MICAL3: variants seen among roughly 807,000 people sequenced by gnomAD.
MICAL3 encodes [F-actin]-monooxygenase MICAL3.
MICAL3 carries 62 observed loss-of-function variants against 207.4 expected under a neutral mutation model. The ratio of observed to expected loss-of-function variants is 0.30; its 90% CI spans 0.24 to 0.37. MICAL3 has a LOEUF of 0.37. Among genes scored for constraint, MICAL3 ranks in the 10% least tolerant of loss-of-function variants. The pLI is 1.00. For synonymous variants in MICAL3, 1,077 were observed against 1,069.3 expected (o/e 1.01, Z -0.14); for missense variants, 2,368 against 2,635.6 (o/e 0.90, Z 2.22).
intron 1 of MICAL3, among the ~76,000 whole-genome samples, chr22:17,977,316 G>C (rs1022364680): frequency 6.6e-6 from 1 of 152,080 alleles, no homozygotes; most frequent in Non-Finnish European, 1.5e-5. Context: ...GTATCCAGAA[G>C]ACATAAAGAA....
chr22:17,796,686 C>T lies in MICAL3; in HGVS notation c.5651-5385G>A, dbSNP rs898726121. Among the ~76,000 whole-genome samples the T allele has an allele frequency of 6.6e-6, 1 of 152,188 alleles. No homozygotes were observed. The highest frequency in any genetic ancestry group is 1.5e-5 in the Non-Finnish European group (1 of 68,028). ...GAATGTCACACCTGGAAGGGAGGCC[C>T]GATGTCCCTTCCTGCCTCGTCTTCT... On this transcript the variant is annotated intron_variant, in intron 29 of 31. Transcript: ENST00000441493. The surrounding 1 kb of genome is among the most constrained non-coding windows in gnomAD (Gnocchi z 4.4).
rs1313427403 is a variant in MICAL3 at position 17,841,314 on chromosome 22, G to T, written c.2801+508C>A. The T allele has an allele frequency of 1.1e-5, 2 of 186,828 alleles. No individual in the cohort carries two copies. Among genetic ancestry groups the T allele is most frequent in the African/African-American group, 4.6e-5 (2 of 43,040 alleles). The allele number at this position is 186,828 out of a possible 1,614,324, so 11.6% of individuals were successfully genotyped here. ...CCCCAAAGGTGTCACCCAGCTGGAT[G>T]TGATTACAGCTCTGGAACTGCCTAA... On this transcript the variant is annotated intron_variant, in intron 20 of 31. Coordinates refer to ENST00000441493, the MANE Select transcript of MICAL3 (RefSeq NM_015241.3). The surrounding 1 kb of genome is among the most constrained non-coding windows in gnomAD (Gnocchi z 4.2).
intron 16 of MICAL3, chr22:17,876,826 TTATG>T: frequency 1.5e-5 from 2 of 131,570 alleles, no homozygotes; most frequent in Non-Finnish European, 3.2e-5. Flanking sequence ...GTTAGGGAGG[TTATG>T]GAGGTTAGGG....
At chr22:17,832,167 G>T in intron 20 of MICAL3, 60 bp from the exon 21 acceptor site, 1 of 1,532,994 alleles carries the variant, frequency 6.5e-7, no homozygotes. Context: ...AGAAGGGGAA[G>T]GGGAAGGGCC....
At chr22:17,880,181 C>G (rs916631024) in intron 16 of MICAL3, among the ~76,000 whole-genome samples, 1 of 152,182 alleles carries the variant, frequency 6.6e-6, no homozygotes, top group South Asian at 2.1e-4. Context: ...AGCGTAGCCC[C>G]GGTCCCACAA....
chr22:17,967,335 A>G (rs974140106), intron 1 of MICAL3, among the ~76,000 whole-genome samples: 14 of 151,280 alleles, frequency 9.3e-5, no homozygotes, highest in African/African-American at 3.4e-4. Flanking sequence ...TCTGTTCATC[A>G]CAACGGCATC....
chr22:17,977,999 G>A (rs1050331918), intron 1 of MICAL3, among the ~76,000 whole-genome samples: 3 of 151,870 alleles, frequency 2.0e-5, no homozygotes, highest in Admixed American at 6.6e-5. Context: ...TCCAGCCTGC[G>A]CAACAAGAGT....
In MICAL3 at chr22:18,016,908, C is replaced by T. The variant is rs1302741235; in HGVS notation, c.-75+7373G>A. 2.6e-5 allele frequency among the ~76,000 whole-genome samples: 4 copies of T among 151,754 alleles called. No homozygotes were observed. The East Asian group carries it at 7.7e-4, about 29-fold the overall frequency. ...TGAACCAAGATTGCTTCACTGCACT[C>T]CGGCCTGGGTGACAGAGCCAGACTC... is the stretch of plus-strand genomic sequence containing the variant. On this transcript the variant is annotated intron_variant, in intron 1 of 31. Coordinates refer to ENST00000441493, the MANE Select transcript of MICAL3 (RefSeq NM_015241.3).
intron 1 of MICAL3, among the ~76,000 whole-genome samples, chr22:17,953,996 G>C (rs1934490992): frequency 7.0e-6 from 1 of 142,482 alleles, no homozygotes; most frequent in Admixed American, 7.0e-5. Flanking sequence ...AAAAGGAAGA[G>C]TTTATTTCAA....
chr22:18,022,301 C>T (rs180806196), intron 1 of MICAL3, among the ~76,000 whole-genome samples: 4 of 152,226 alleles, frequency 2.6e-5, no homozygotes, highest in Middle Eastern at 3.4e-3. Flanking sequence ...CATAGGCTTA[C>T]GAGGGACTCG....
At chr22:17,806,952 T>TAAA (rs1326380940) in intron 29 of MICAL3, among the ~76,000 whole-genome samples, 1 of 152,252 alleles carries the variant, frequency 6.6e-6, no homozygotes, top group East Asian at 1.9e-4. Context: ...AGCACTGTTT[T>TAAA]ACACTCAGAC....
intron 1 of MICAL3, 138 bp from the exon 2 acceptor site, chr22:17,907,024 T>G (rs1426974094): frequency 2.0e-6 from 1 of 500,248 alleles, no homozygotes; most frequent in Non-Finnish European, 3.5e-6. Context: ...CCTGCAATAC[T>G]CCAGGCACTA....
chr22:17,896,428 A>C, intron 8 of MICAL3, 67 bp from the exon 9 acceptor site: 1 of 1,012,400 alleles, frequency 9.9e-7, no homozygotes, highest in Non-Finnish European at 1.5e-6. Context: ...AAAATAAACT[A>C]AGGAACAAAG....
intron 16 of MICAL3, among the ~76,000 whole-genome samples, chr22:17,874,742 A>G (rs1253764498): frequency 6.6e-6 from 1 of 152,246 alleles, no homozygotes; most frequent in African/African-American, 2.4e-5. Context: ...TACCATGCAC[A>G]TAGGCCTCAA....
In MICAL3 at chr22:17,820,512, G is replaced by A. The variant is rs374058523; in HGVS notation, c.3531+915C>T. ...TGGGACTACAGGCGCCCGCCACCAC[G>A]CCCGGCTAATTTTTTGTATTGTTAG... is the stretch of plus-strand genomic sequence containing the variant. On this transcript the variant is annotated intron_variant, in intron 25 of 31. Coordinates refer to ENST00000441493, the MANE Select transcript of MICAL3 (RefSeq NM_015241.3). 1.5e-4 allele frequency among the ~76,000 whole-genome samples: 23 copies of A among 152,168 alleles called. No homozygotes were observed. The South Asian group carries it at 2.9e-3, about 19-fold the overall frequency.
At chr22:17,996,554 C>T (rs1297420061) in intron 1 of MICAL3, among the ~76,000 whole-genome samples, 1 of 152,120 alleles carries the variant, frequency 6.6e-6, no homozygotes, top group Non-Finnish European at 1.5e-5. Flanking sequence ...AAGCCCACCT[C>T]CAAGAAAACA....
chr22:17,896,458 T>C (rs1469763081), intron 8 of MICAL3, 97 bp from the exon 9 acceptor site: 5 of 832,742 alleles, frequency 6.0e-6, no homozygotes, highest in Non-Finnish European at 9.7e-6. Context: ...TCGACAGTAG[T>C]GTTTGGCAAC....
At position 17,818,315 on chromosome 22, in the gene MICAL3, T is replaced by A. The variant is rs562305183; in HGVS notation, c.4346A>T (p.Asp1449Val). ...GGAGGGGGGCGTGAGCATGGCGGAG[T>A]CCGAGGTGTTGAAGCTCTGGCTGCC... is the stretch of plus-strand genomic sequence containing the variant. Reference protein sequence around the residue: ...TLGSQSFNTSDSAMLTPPSSP... With the variant: ...TLGSQSFNTSVSAMLTPPSSP... Residue 1449 changes from aspartate to valine, a missense_variant, in exon 26 of 32, where the codon GAC (aspartate) becomes GTC (valine). Coordinates refer to ENST00000441493, the MANE Select transcript of MICAL3 (RefSeq NM_015241.3). 1.3e-6 allele frequency: 2 copies of A among 1,565,122 alleles called. No individual in the cohort carries two copies. Among genetic ancestry groups the A allele is most frequent in the South Asian group, 2.3e-5 (2 of 85,910 alleles).
At chr22:17,862,326 C>G in intron 19 of MICAL3, 2 of 828,098 alleles carry the variant, frequency 2.4e-6, no homozygotes, top group Non-Finnish European at 2.9e-6. Flanking sequence ...GTGATCTCGA[C>G]TTACTGCAAC....
Sources: allele counts gnomAD v4.1 joint callset (sites outside exome capture counted in the v4.1 genomes callset), GRCh38; gene constraint gnomAD v4.1.1; non-coding constraint Gnocchi (gnomAD v3.1); transcripts MANE v1.5; gene names NCBI Gene and HGNC (gene_info 2026-07-23, HGNC 2026-07-21).